The following RUFY3 variants were observed in gnomAD, a reference collection of about 807,000 sequenced individuals.
The protein encoded by RUFY3 is protein RUFY3.
A neutral mutation model predicts 84.0 loss-of-function variants in RUFY3; 34 were observed. The observed-to-expected ratio is 0.40, with a 90% confidence interval of 0.31 to 0.54. RUFY3 has a LOEUF of 0.54. RUFY3 is among the 20% of genes least tolerant of loss of function. RUFY3 has a pLI of 0.39. For synonymous variants in RUFY3, 242 were observed against 252.9 expected, an observed-to-expected ratio of 0.96 and a Z score of 0.41; for missense variants, 507 against 736.8, an observed-to-expected ratio of 0.69 and a Z score of 3.61.
chr4:70,779,327 T>C (rs933136933), intron 8 of RUFY3, among the ~76,000 whole-genome samples: 1 of 152,076 alleles, frequency 6.6e-6, no homozygotes, highest in Non-Finnish European at 1.5e-5. Context: ...AAAATGAGAG[T>C]GTTTACAATA....
upstream of RUFY3, among the ~76,000 whole-genome samples, chr4:70,721,074 G>A (rs1218343231): frequency 1.3e-5 from 2 of 152,178 alleles, no homozygotes; most frequent in Non-Finnish European, 2.9e-5. Flanking sequence ...AGCACTTTGG[G>A]AGGCTGAGGT....
At position 70,721,980 on chromosome 4, in the gene RUFY3, A is replaced by AC; in HGVS notation, c.-594_-593insC. 8.1e-7 allele frequency: 1 copy of AC among 1,232,172 alleles called. No individual in the cohort carries two copies. The allele number at this position is 1,232,172 out of a possible 1,614,324, so 76.3% of individuals were successfully genotyped here. A position where few individuals can be genotyped will look rare whatever the true frequency, so the allele number is the denominator to read the frequency against. On this transcript the variant is annotated 5_prime_UTR_variant, in exon 1 of 18. Transcript: ENST00000381006. ...TTTCAGTTCAGTTCATTAGTCAGCC[A>AC]TTTTGGTCAACACCCTGCTTACTGC...
rs538282509 is a variant in RUFY3, at chr4:70,744,013, C to T, written c.179-18506C>T. 1.6e-4 allele frequency among the ~76,000 whole-genome samples: 24 copies of T among 152,172 alleles called. No individual in the cohort carries two copies. The South Asian group carries it at 4.8e-3, about 30-fold the overall frequency. Reference sequence around the variant, plus strand: ...GAAATAAGTTATGGAGTATTACCTGCACATAACACACAATAGCAATTCAGG... The same window carrying T: ...GAAATAAGTTATGGAGTATTACCTGTACATAACACACAATAGCAATTCAGG... On this transcript the variant is annotated intron_variant, in intron 1 of 17. Transcript: ENST00000381006.
chr4:70,792,558 C>T (rs1052014211), intron 12 of RUFY3: 1 of 985,320 alleles, frequency 1.0e-6, no homozygotes, highest in Non-Finnish European at 1.2e-6. Flanking sequence ...CATAAGCCTT[C>T]ATTCCTTCAA....
At chr4:70,757,799 CTG>C (rs1724285467) in intron 1 of RUFY3, among the ~76,000 whole-genome samples, 1 of 152,074 alleles carries the variant, frequency 6.6e-6, no homozygotes, top group African/African-American at 2.4e-5. Flanking sequence ...ATTATTACCT[CTG>C]TATTTCTAGC....
chr4:70,733,078 AGAGAGAGAGAGAGAGAG>A (rs1459750465), intron 1 of RUFY3, among the ~76,000 whole-genome samples: 6 of 95,508 alleles, frequency 6.3e-5, no homozygotes, highest in Non-Finnish European at 1.0e-4. Context: ...AAAGAAAGAG[AGAGAGAGAGAGAGAGAG>A]GAGAGAGAGA....
chr4:70,785,147 T>C (rs1177054498), intron 10 of RUFY3, among the ~76,000 whole-genome samples: 1 of 152,206 alleles, frequency 6.6e-6, no homozygotes, highest in Non-Finnish European at 1.5e-5. Flanking sequence ...CAGAACCTAC[T>C]TTTTTAAACT....
intron 5 of RUFY3, among the ~76,000 whole-genome samples, chr4:70,773,257 T>C (rs1727289652): frequency 6.6e-6 from 1 of 152,226 alleles, no homozygotes; most frequent in Non-Finnish European, 1.5e-5. Context: ...TTAGACCTTA[T>C]TTATATTAAG....
At chr4:70,707,836 A>C (rs920724097) in intron 1 of RUFY3, among the ~76,000 whole-genome samples, 1 of 152,240 alleles carries the variant, frequency 6.6e-6, no homozygotes, top group Non-Finnish European at 1.5e-5. Context: ...ACGTAAGCAT[A>C]CTTACAGAAA....
At chr4:70,756,391 T>A (rs963249747) in intron 1 of RUFY3, among the ~76,000 whole-genome samples, 1 of 152,196 alleles carries the variant, frequency 6.6e-6, no homozygotes, top group African/African-American at 2.4e-5. Context: ...ACATCCCACG[T>A]TAAAGTCTTC....
At chr4:70,715,122 T>A (rs1741414911) in intron 1 of RUFY3, among the ~76,000 whole-genome samples, 1 of 152,124 alleles carries the variant, frequency 6.6e-6, no homozygotes. Flanking sequence ...ATTGAAGAAA[T>A]CTTGGAATCA....
At chr4:70,794,915 G>T in intron 14 of RUFY3, 21 bp downstream of exon 14, 1 of 1,470,764 alleles carries the variant, frequency 6.8e-7, no homozygotes. Context: ...CTATTCCCTT[G>T]TTCTTTTACT....
At chr4:70,773,602 C>T in intron 6 of RUFY3, 30 bp downstream of exon 6, 2 of 1,499,056 alleles carry the variant, frequency 1.3e-6, no homozygotes, top group East Asian at 2.3e-5. Context: ...GATTTCTTTT[C>T]TCCTGATGTA....
At chr4:70,721,079 T>G (rs1368356631), upstream of RUFY3, among the ~76,000 whole-genome samples, 1 of 152,084 alleles carries the variant, frequency 6.6e-6, no homozygotes, top group Non-Finnish European at 1.5e-5. Context: ...TTTGGGAGGC[T>G]GAGGTGGGAG....
chr4:70,737,576 AC>A, intron 1 of RUFY3, among the ~76,000 whole-genome samples: 1 of 148,892 alleles, frequency 6.7e-6, no homozygotes, highest in Non-Finnish European at 1.5e-5. Context: ...TCATCCGCTC[AC>A]CCCCCATCAG....
At chr4:70,803,084 A>G in intron 16 of RUFY3, 101 bp downstream of exon 16, 1 of 808,886 alleles carries the variant, frequency 1.2e-6, no homozygotes. Flanking sequence ...AGATGAGTGA[A>G]TACAGTGTGC....
intron 8 of RUFY3, among the ~76,000 whole-genome samples, chr4:70,779,197 A>G (rs1728484251): frequency 6.6e-6 from 1 of 152,206 alleles, no homozygotes; most frequent in Non-Finnish European, 1.5e-5. Context: ...TTACATAGAT[A>G]AGGTGAAGAG....
chr4:70,722,523 G>T lies in RUFY3; in HGVS notation c.-51G>T, dbSNP rs756852909. 4 of 1,564,378 alleles carry T rather than the reference G, an allele frequency of 2.6e-6. No individual in the cohort carries two copies. Among genetic ancestry groups the T allele is most frequent in the South Asian group, 2.4e-5 (2 of 84,438 alleles). On this transcript the variant is annotated 5_prime_UTR_variant, in exon 1 of 18. Transcript: ENST00000381006. ...TTGTATTTATTTTTTTGGTGTGTGTGTGTGAGTGTGTGTGTGTCTGTGTGT... is the reference window on the plus strand; with the variant it reads ...TTGTATTTATTTTTTTGGTGTGTGTTTGTGAGTGTGTGTGTGTCTGTGTGT...
At chr4:70,806,459 A>G (rs1732859945) in intron 17 of RUFY3, 57 bp from the exon 18 acceptor site, 2 of 1,600,574 alleles carry the variant, frequency 1.2e-6, no homozygotes, top group Admixed American at 1.7e-5. Context: ...TTTATATCCC[A>G]TGAATCCTTA....
Sources: allele counts gnomAD v4.1 joint callset (sites outside exome capture counted in the v4.1 genomes callset), GRCh38; gene constraint gnomAD v4.1.1; transcripts MANE v1.5; gene names NCBI Gene and HGNC (gene_info 2026-07-23, HGNC 2026-07-21).